TLE4: variants seen among roughly 807,000 people sequenced by gnomAD.
TLE4 encodes the protein TLE family member 4, transcriptional corepressor.
Under a neutral mutation model 92.8 loss-of-function variants are expected in TLE4, and 8 were observed. The observed-to-expected ratio is 0.09, with a 90% confidence interval of 0.05 to 0.16. The LOEUF (loss-of-function observed/expected upper bound fraction) is 0.16. Ranked by LOEUF, TLE4 falls within the 10% of genes least tolerant of loss-of-function variation. TLE4 has a pLI of 1.00. For synonymous variants in TLE4, 371 were observed against 374.1 expected (o/e 0.99, Z 0.10); for missense variants, 675 against 997.6 (o/e 0.68, Z 4.36).
At chr9:79,718,204 T>C in intron 14 of TLE4, 1 of 393,492 alleles carries the variant, frequency 2.5e-6, no homozygotes, top group South Asian at 1.9e-5. Flanking sequence ...ACATCTGTCA[T>C]TTCAACGTCT....
intron 1 of TLE4, 113 bp from the exon 2 acceptor site, chr9:79,573,576 G>C: frequency 1.1e-6 from 1 of 917,008 alleles, no homozygotes. Flanking sequence ...ATCTCTCTTT[G>C]CTTGCGTGCG....
rs557219927 is a variant in TLE4 at position 79,632,474 on chromosome 9, C to T, written c.390+5026C>T. On this transcript the variant is annotated intron_variant, in intron 6 of 19. Transcript: ENST00000376552. ...GCCAAGCCCTCTCCCTCCACTTTCC[C>T]GGCAGACACTTAGGATTTGATTTCA... Among the ~76,000 whole-genome samples, 10 of 152,228 alleles carry T rather than the reference C, an allele frequency of 6.6e-5. No homozygotes were observed. In the South Asian group the frequency reaches 1.0e-3, roughly 16 times the overall value.
At chr9:79,710,108 A>G (rs1416395033) in intron 14 of TLE4, among the ~76,000 whole-genome samples, 1 of 152,220 alleles carries the variant, frequency 6.6e-6, no homozygotes, top group Non-Finnish European at 1.5e-5. Flanking sequence ...TTCTGTTTTC[A>G]GAAAAGGTGA....
chr9:79,573,422 C>T (rs1047219634), intron 1 of TLE4: 20 of 1,192,352 alleles, frequency 1.7e-5, no homozygotes, highest in Non-Finnish European at 2.1e-5. Flanking sequence ...TGTCTTTGGC[C>T]GGGGAGGGGA....
chr9:79,636,676 T>C (rs2055921865), intron 6 of TLE4, among the ~76,000 whole-genome samples: 1 of 152,158 alleles, frequency 6.6e-6, no homozygotes. Flanking sequence ...TCTTTGCTTC[T>C]AATTCATTCT....
chr9:79,713,493 T>C (rs116924867), intron 14 of TLE4, among the ~76,000 whole-genome samples: 3,775 of 152,280 alleles, frequency 0.025, 90 homozygotes, highest in Admixed American at 0.072. Context: ...GTCAGGTCAC[T>C]CTATTTCTCT....
chr9:79,621,927 A>G (rs1204367987), intron 5 of TLE4, among the ~76,000 whole-genome samples: 1 of 152,136 alleles, frequency 6.6e-6, no homozygotes, highest in Admixed American at 6.5e-5. Context: ...ACCCTAGAAT[A>G]TTGCAGCCCT....
At position 79,708,729 on chromosome 9, in the gene TLE4, G is replaced by C; in HGVS notation, c.1206G>C (p.Gln402His). ...CTGGGCTCCACAACATCTCCCCTCA[G>C]ATGAGCGCAGCTGCTGCCGCCGCCG... ...AYAGLHNISP[Q>H]MSAAAAAAAA... is the part of the protein sequence containing the mutation. Residue 402 changes from glutamine (Q) to histidine (H), a missense_variant, in exon 13 of 20, where the codon CAG becomes CAC. Coordinates refer to ENST00000376552, the MANE Select transcript of TLE4 (RefSeq NM_007005.6). 6.2e-7 allele frequency: 1 copy of C among 1,612,110 alleles called. No individual in the cohort carries two copies. Among genetic ancestry groups the C allele is most frequent in the Non-Finnish European group, 8.5e-7 (1 of 1,180,040 alleles).
intron 4 of TLE4, among the ~76,000 whole-genome samples, chr9:79,596,229 T>C (rs1246139930): frequency 1.3e-5 from 2 of 152,050 alleles, no homozygotes; most frequent in Non-Finnish European, 2.9e-5. Flanking sequence ...TTCAGGACCA[T>C]GTTATTGTCT....
At chr9:79,635,806 C>T (rs1231333752) in intron 6 of TLE4, among the ~76,000 whole-genome samples, 1 of 152,136 alleles carries the variant, frequency 6.6e-6, no homozygotes, top group African/African-American at 2.4e-5. Context: ...TTCCGTTTTG[C>T]ACTTGTTCTT....
chr9:79,685,777 G>GT (rs1340137447), intron 8 of TLE4, among the ~76,000 whole-genome samples: 1 of 152,044 alleles, frequency 6.6e-6, no homozygotes, highest in Non-Finnish European at 1.5e-5. Flanking sequence ...CATGATTTTT[G>GT]TTTTTTAGCT....
intron 7 of TLE4, 197 bp downstream of exon 7, chr9:79,652,991 TC>T: frequency 1.4e-6 from 1 of 718,526 alleles, no homozygotes; most frequent in Non-Finnish European, 2.5e-6. Context: ...GCTAACATAC[TC>T]CCTAGAGGCA....
At chr9:79,643,804 T>A (rs2057609926) in intron 6 of TLE4, among the ~76,000 whole-genome samples, 1 of 152,232 alleles carries the variant, frequency 6.6e-6, no homozygotes, top group Admixed American at 6.5e-5. Context: ...TATCGATGGT[T>A]GAGTCTGTCT....
chr9:79,686,440 G>A (rs2065867900), intron 8 of TLE4, among the ~76,000 whole-genome samples: 3 of 152,288 alleles, frequency 2.0e-5, no homozygotes, highest in South Asian at 4.1e-4. Flanking sequence ...ACCTGTGACT[G>A]TGACTTTATT....
At chr9:79,623,630 T>C (rs193296414) in intron 5 of TLE4, among the ~76,000 whole-genome samples, 1 of 152,040 alleles carries the variant, frequency 6.6e-6, no homozygotes, top group Non-Finnish European at 1.5e-5. Flanking sequence ...AATTCCCTAG[T>C]TTTAAGTGTA....
At chr9:79,682,775 C>A (rs1320231165) in intron 8 of TLE4, among the ~76,000 whole-genome samples, 1 of 152,162 alleles carries the variant, frequency 6.6e-6, no homozygotes, top group Non-Finnish European at 1.5e-5. Flanking sequence ...GGTAAAATGA[C>A]TCTTGGTTGG....
At chr9:79,682,357 G>A (rs1431067011) in intron 8 of TLE4, among the ~76,000 whole-genome samples, 3 of 152,044 alleles carry the variant, frequency 2.0e-5, no homozygotes, top group South Asian at 2.1e-4. Context: ...TTGCCTTTAG[G>A]AAATTCCCCA....
intron 4 of TLE4, among the ~76,000 whole-genome samples, chr9:79,609,062 G>C (rs1421572953): frequency 1.3e-5 from 2 of 152,086 alleles, no homozygotes; most frequent in African/African-American, 4.8e-5. Context: ...GTGTGCGTTA[G>C]TATTTGTTAC....
At position 79,723,021 on chromosome 9, in the gene TLE4, G is replaced by T; in HGVS notation, c.2200G>T (p.Ala734Ser). 3.1e-6 allele frequency: 5 copies of T among 1,614,104 alleles called. No homozygotes were observed. Among genetic ancestry groups the T allele is most frequent in the Non-Finnish European group, 4.2e-6 (5 of 1,179,974 alleles). The change falls in exon 19 of 20, where the codon GCC becomes TCC. Residue 734 changes from alanine to serine, a missense_variant. Ala to Ser is a moderately conservative substitution (Grantham distance 99). Coordinates refer to ENST00000376552, the MANE Select transcript of TLE4 (RefSeq NM_007005.6). Reference protein sequence around the residue: ...LLNAWRTPYGASIFQSKESSS... With the variant: ...LLNAWRTPYGSSIFQSKESSS... Reference sequence around the variant, plus strand: ...GAATGCCTGGAGAACACCTTATGGGGCCAGTATATTCCAGGTAACATGGAA... The same window carrying T: ...GAATGCCTGGAGAACACCTTATGGGTCCAGTATATTCCAGGTAACATGGAA...
Sources: allele counts gnomAD v4.1 joint callset (sites outside exome capture counted in the v4.1 genomes callset), GRCh38; gene constraint gnomAD v4.1.1; transcripts MANE v1.5; gene names NCBI Gene and HGNC (gene_info 2026-07-23, HGNC 2026-07-21).